Variants in WDR91 observed in about 807,000 individuals in gnomAD.
WDR91 encodes WD repeat domain 91.
Under a neutral mutation model 88.4 loss-of-function variants are expected in WDR91, and 52 were observed. That is an observed-to-expected ratio of 0.59 (90% CI 0.47 to 0.74). WDR91 has a LOEUF of 0.74. Among genes scored for constraint, WDR91 ranks in the 30% least tolerant of loss-of-function variants. The pLI, the probability that WDR91 is intolerant of heterozygous loss-of-function variation, is 0.00. For missense variants in WDR91, 824 were observed against 954.5 expected (o/e 0.86, Z 1.80); for synonymous variants, 362 against 389.5 (o/e 0.93, Z 0.83).
In WDR91 at chr7:135,195,093, A is replaced by G. The variant is rs1831313608; in HGVS notation, c.1245-9T>C. 1 of 1,610,968 alleles carries G rather than the reference A, an allele frequency of 6.2e-7. No individual in the cohort carries two copies. The highest frequency in any genetic ancestry group is 1.1e-5 in the South Asian group (1 of 90,526). On this transcript the variant is annotated splice_polypyrimidine_tract_variant and intron_variant, in intron 8 of 14. Transcript: ENST00000354475. ...TCCCAGAGCAGTCCACTCTGAGATGAGAGAAAAGGGAGGCCTGTCAGCTGG... is the reference window on the plus strand; with the variant it reads ...TCCCAGAGCAGTCCACTCTGAGATGGGAGAAAAGGGAGGCCTGTCAGCTGG...
Position 135,186,215 on chromosome 7 carries a change from G to A in WDR91, c.2180C>T (p.Thr727Ile). 7 of 1,608,880 alleles carry A rather than the reference G, an allele frequency of 4.4e-6. No homozygotes were observed. The highest frequency in any genetic ancestry group is 5.9e-6 in the Non-Finnish European group (7 of 1,177,896). The change falls in exon 15 of 15, where the codon ACC becomes ATC. Residue 727 changes from threonine to isoleucine, a missense_variant. Thr to Ile is a moderately conservative substitution (Grantham distance 89). Coordinates refer to ENST00000354475, the MANE Select transcript of WDR91 (RefSeq NM_014149.4). ...VDWSTAMDCG[T>I]CLTASMDGKI... ...GCCATCCATGGAGGCGGTGAGGCAG[G>A]TCCCACAGTCCATGGCAGTGCTCCA...
At chr7:135,187,279 T>A in intron 13 of WDR91, 110 bp from the exon 14 acceptor site, 2 of 1,106,926 alleles carry the variant, frequency 1.8e-6, no homozygotes, top group Non-Finnish European at 2.6e-6. Flanking sequence ...GCGACCCGCC[T>A]CCCCCAGCCA....
At chr7:135,189,529 G>A in intron 11 of WDR91, 77 bp from the exon 12 acceptor site, 1 of 1,240,258 alleles carries the variant, frequency 8.1e-7, no homozygotes, top group Non-Finnish European at 1.2e-6. Context: ...ATGCAGACAG[G>A]TGCCCCAGAC....
In WDR91 at chr7:135,208,853, T is replaced by C. The variant is rs1156317705; in HGVS notation, c.449A>G (p.Gln150Arg). 1 of 1,614,108 alleles carries C rather than the reference T, an allele frequency of 6.2e-7. No individual in the cohort carries two copies. The highest frequency in any genetic ancestry group is 1.3e-5 in the African/African-American group (1 of 75,028). Reference sequence around the variant, plus strand: ...GGACACAATGAAGGTGTCAGCCCACTGTCGAGAAAAGTAGGTAGCAAAGGT... The same window carrying C: ...GGACACAATGAAGGTGTCAGCCCACCGTCGAGAAAAGTAGGTAGCAAAGGT... ...NPTFATYFSR[Q>R]WADTFIVSLH... Residue 150 changes from glutamine (Q) to arginine (R), a missense_variant, in exon 3 of 15, where the codon CAG becomes CGG. By Grantham distance (43) the Gln-to-Arg change is conservative. Transcript: ENST00000354475.
Position 135,195,027 on chromosome 7 carries a change from C to T in WDR91, c.1302G>A (p.Val434=). The T allele has an allele frequency of 6.2e-7, 1 of 1,614,106 alleles. No individual in the cohort carries two copies. The highest frequency in any genetic ancestry group is 8.5e-7 in the Non-Finnish European group (1 of 1,180,022). The stretch of plus-strand genomic sequence containing the variant: ...TCTGCATGATGGGGTTGAAGGACCA[C>T]ACTTTGATGACCCCATCTACGTCTA... The part of the protein sequence containing the change: ...ASLDVDGVIK[V]WSFNPIMQTK... The change falls in exon 9 of 15, where the codon GTG becomes GTA. Residue 434 remains valine, a synonymous_variant. Transcript: ENST00000354475.
chr7:135,207,048 C>A (rs758712182), intron 4 of WDR91, 72 bp downstream of exon 4: 18 of 1,307,358 alleles, frequency 1.4e-5, no homozygotes, highest in Non-Finnish European at 1.9e-5. Flanking sequence ...TATAGTGTTC[C>A]ACTGCCACTA....
intron 3 of WDR91, among the ~76,000 whole-genome samples, chr7:135,208,245 C>A (rs1024500922): frequency 6.6e-6 from 1 of 152,188 alleles, no homozygotes; most frequent in East Asian, 1.9e-4. Flanking sequence ...AAATTATTTA[C>A]CTGCATTCTC....
rs538118491 is a variant in WDR91 at position 135,196,509 on chromosome 7, G to C, written c.1051-172C>G. On this transcript the variant is annotated intron_variant, in intron 7 of 14. Coordinates refer to ENST00000354475, the MANE Select transcript of WDR91 (RefSeq NM_014149.4). This position sits in a 1 kb window ranked among gnomAD's most constrained non-coding sequence, Gnocchi z 4.2. ...GTAGTGCTCAGCTCACCCTGGGAGA[G>C]TGCAGGGCCTGCCCTCCTGACAGCC... Among the ~76,000 whole-genome samples the C allele has an allele frequency of 6.6e-6, 1 of 152,150 alleles. No individual in the cohort carries two copies. The highest frequency in any genetic ancestry group is 2.1e-4 in the South Asian group (1 of 4,824).
rs889403336 is a variant in WDR91 at position 135,186,043 on chromosome 7, C to T, written c.*108G>A. The T allele has an allele frequency of 3.8e-5, 49 of 1,301,730 alleles. No homozygotes were observed. Among genetic ancestry groups the T allele is most frequent in the Non-Finnish European group, 4.8e-5 (47 of 973,026 alleles). The allele number at this position is 1,301,730 out of a possible 1,614,324, so 80.6% of individuals were successfully genotyped here. A position where few individuals can be genotyped will look rare whatever the true frequency, so the allele number is the denominator to read the frequency against. On this transcript the variant is annotated 3_prime_UTR_variant, in exon 15 of 15. Coordinates refer to ENST00000354475, the MANE Select transcript of WDR91 (RefSeq NM_014149.4). ...CCTTGCCAGTCTTTCCCTGCAGAGT[C>T]ACTGCACTGGCAGGGAGCTGGAGTG... is the stretch of plus-strand genomic sequence containing the variant.
In WDR91 at chr7:135,196,051, C is replaced by G; in HGVS notation, c.1244+93G>C. 7.8e-7 allele frequency: 1 copy of G among 1,283,876 alleles called. No homozygotes were observed. The highest frequency in any genetic ancestry group is 1.0e-6 in the Non-Finnish European group (1 of 953,860). 79.5% of individuals were successfully genotyped at this position (1,283,876 alleles called of 1,614,324 possible). Reference sequence around the variant, plus strand: ...TGACTGTGGCCCTCGTCCAAGCCCCCATTCTCCGCCATCTCCTGCTGGCCA... The same window carrying G: ...TGACTGTGGCCCTCGTCCAAGCCCCGATTCTCCGCCATCTCCTGCTGGCCA... On this transcript the variant is annotated intron_variant, in intron 8 of 14. Transcript: ENST00000354475. This position sits in a 1 kb window ranked among gnomAD's most constrained non-coding sequence, Gnocchi z 4.2.
intron 11 of WDR91, among the ~76,000 whole-genome samples, chr7:135,191,122 G>A (rs563733642): frequency 1.3e-5 from 2 of 152,258 alleles, no homozygotes; most frequent in South Asian, 2.1e-4. Flanking sequence ...CTAATGTCCC[G>A]GTCTCAGCAA....
chr7:135,191,524 G>C (rs1462216285), intron 11 of WDR91, among the ~76,000 whole-genome samples: 4 of 140,700 alleles, frequency 2.8e-5, no homozygotes, highest in Non-Finnish European at 6.0e-5. Context: ...AGAATTGCTT[G>C]AACTCAGAAG....
At chr7:135,210,295 A>G (rs559311725) in intron 1 of WDR91, among the ~76,000 whole-genome samples, 3 of 152,212 alleles carry the variant, frequency 2.0e-5, no homozygotes, top group Non-Finnish European at 4.4e-5. Context: ...GGTTGCAGTG[A>G]GCTGAGATCG....
In WDR91 at chr7:135,207,064, T is replaced by C. The variant is rs377320421; in HGVS notation, c.594+56A>G. The C allele has an allele frequency of 1.0e-4, 153 of 1,493,528 alleles. No homozygotes were observed. The African/African-American group carries it at 1.9e-3, about 19-fold the overall frequency. 92.5% of individuals were successfully genotyped at this position (1,493,528 alleles called of 1,614,324 possible). ...ATAGTGTTCCACTGCCACTACCTAA[T>C]TTCACACACAAAAAGCAGAAGTACT... On this transcript the variant is annotated intron_variant, in intron 4 of 14. Transcript: ENST00000354475.
At chr7:135,200,174 C>T (rs1239781921) in intron 6 of WDR91, 2 of 152,114 alleles carry the variant, frequency 1.3e-5, no homozygotes. Context: ...CGGTTGTCCA[C>T]AAAACTTTTT....
chr7:135,207,052 G>T, intron 4 of WDR91, 68 bp downstream of exon 4: 2 of 1,357,770 alleles, frequency 1.5e-6, no homozygotes, highest in Non-Finnish European at 2.1e-6. Context: ...GTGTTCCACT[G>T]CCACTACCTA....
At chr7:135,189,278 G>A (rs1004257590) in intron 12 of WDR91, 66 bp downstream of exon 12, 128 of 1,490,032 alleles carry the variant, frequency 8.6e-5, no homozygotes, top group Non-Finnish European at 9.4e-5. Flanking sequence ...AAAATCCAAC[G>A]TCGGCAAAAA....
chr7:135,187,908 A>G (rs292562), intron 13 of WDR91, among the ~76,000 whole-genome samples: 105,513 of 152,152 alleles, frequency 0.69, 37,352 homozygotes, highest in Admixed American at 0.81. Flanking sequence ...GCAGGCACAC[A>G]TGGAAAGGGC....
Position 135,193,303 on chromosome 7 carries a change from G to T in WDR91, c.1587C>A (p.Asp529Glu), listed in dbSNP as rs2117651046. ...CCTGGTTCATGCCCTTGCTGCCGAT[G>T]TCTGGTGCTGAGAAGTCCACCTGGG... Reference protein sequence around the residue: ...LTSQVDFSAPDIGSKGMNQVP... With the variant: ...LTSQVDFSAPEIGSKGMNQVP... Residue 529 changes from aspartate to glutamate, a missense_variant, in exon 11 of 15, where the codon GAC (aspartate) becomes GAA (glutamate). Asp to Glu is a conservative substitution (Grantham distance 45). Transcript: ENST00000354475. 6.2e-7 allele frequency: 1 copy of T among 1,614,226 alleles called. No individual in the cohort carries two copies. The highest frequency in any genetic ancestry group is 1.1e-5 in the South Asian group (1 of 91,082).
Sources: gnomAD v4.1 joint callset for allele counts (sites outside exome capture counted in the v4.1 genomes callset) on GRCh38, gnomAD v4.1.1 for gene constraint, Gnocchi (gnomAD v3.1) non-coding constraint, MANE v1.5 for transcripts, NCBI Gene and HGNC (gene_info 2026-07-23, HGNC 2026-07-21) for gene names.